Variants in FBN1 observed in about 807,000 individuals in gnomAD.
FBN1 encodes the protein fibrillin-1.
A neutral mutation model predicts 365.1 loss-of-function variants in FBN1; 29 were observed. That is an observed-to-expected ratio of 0.08 (90% confidence interval 0.06 to 0.11). The LOEUF is 0.11. Among genes scored for constraint, FBN1 ranks in the 10% least tolerant of loss-of-function variants. FBN1 has a pLI of 1.00. For synonymous variants in FBN1, 1,210 were observed against 1,270.5 expected (o/e 0.95, Z 1.01); for missense variants, 2,476 against 3,703.2 (o/e 0.67, Z 8.60).
At chr15:48,543,158 T>C (rs8041668) in intron 6 of FBN1, among the ~76,000 whole-genome samples, 95,770 of 152,074 alleles carry the variant, frequency 0.63, 32,563 homozygotes, top group South Asian at 0.77. Flanking sequence ...TTTAGGAAGG[T>C]TGATCATCCA....
In FBN1 at chr15:48,494,184, T is replaced by G. The variant is rs765993846; in HGVS notation, c.2728+20A>C. 23 of 1,591,078 alleles carry G rather than the reference T, an allele frequency of 1.4e-5. No homozygotes were observed. In the South Asian group the frequency reaches 2.5e-4, roughly 18 times the overall value. ...CATTATGCACACAAAAATGTATGGTTTATAAGTAATCAGAAATACCTTCAC... is the reference window on the plus strand; with the variant it reads ...CATTATGCACACAAAAATGTATGGTGTATAAGTAATCAGAAATACCTTCAC... On this transcript the variant is annotated intron_variant, in intron 23 of 65. Coordinates refer to ENST00000316623, the MANE Select transcript of FBN1 (RefSeq NM_000138.5).
At chr15:48,434,775 C>T (rs534900349) in intron 53 of FBN1, 62 bp from the exon 54 acceptor site, 1 of 1,592,476 alleles carries the variant, frequency 6.3e-7, no homozygotes, top group South Asian at 1.1e-5. Flanking sequence ...TTTATTCTAT[C>T]AGAGGATTTT....
intron 6 of FBN1, among the ~76,000 whole-genome samples, chr15:48,592,761 A>G (rs1448129460): frequency 6.6e-6 from 1 of 152,218 alleles, no homozygotes; most frequent in Non-Finnish European, 1.5e-5. Flanking sequence ...AATGCTCACA[A>G]GGGCTAATAC....
chr15:48,500,433 G>C (rs1055389659), intron 17 of FBN1, among the ~76,000 whole-genome samples: 3 of 152,100 alleles, frequency 2.0e-5, no homozygotes, highest in Admixed American at 2.0e-4. Context: ...TGGGAGTTTT[G>C]GAAGCAGCCC....
intron 31 of FBN1, among the ~76,000 whole-genome samples, chr15:48,482,805 C>T (rs117298094): frequency 0.015 from 2,306 of 152,298 alleles, 22 homozygotes; most frequent in Non-Finnish European, 0.023. Flanking sequence ...AGGGAACAAT[C>T]CTCAAAGTTC....
intron 2 of FBN1, among the ~76,000 whole-genome samples, chr15:48,627,061 T>C (rs1205555574): frequency 6.6e-6 from 1 of 152,346 alleles, no homozygotes; most frequent in Admixed American, 6.5e-5. Context: ...ACTTTATTAA[T>C]AACATTCCAA....
rs568364247 is a variant in FBN1 at position 48,588,489 on chromosome 15, A to G, written c.538+7794T>C. Among the ~76,000 whole-genome samples the G allele has an allele frequency of 3.9e-5, 6 of 152,302 alleles. No homozygotes were observed. The South Asian group carries it at 1.0e-3, about 26-fold the overall frequency. Reference sequence around the variant, plus strand: ...TTAGTTTTATCTTTTTAATAAGTTCATAAGAGCTAAAAAAAAATGAAGTTA... The same window carrying G: ...TTAGTTTTATCTTTTTAATAAGTTCGTAAGAGCTAAAAAAAAATGAAGTTA... On this transcript the variant is annotated intron_variant, in intron 6 of 65. Transcript: ENST00000316623.
chr15:48,640,719 C>A (rs1289907151), intron 2 of FBN1, among the ~76,000 whole-genome samples: 1 of 152,194 alleles, frequency 6.6e-6, no homozygotes, highest in East Asian at 1.9e-4. Flanking sequence ...CTATAAACCA[C>A]ACAACAAGGG....
intron 6 of FBN1, among the ~76,000 whole-genome samples, chr15:48,563,699 C>CACTCTCT (rs1259301217): frequency 6.6e-6 from 1 of 152,156 alleles, no homozygotes; most frequent in Non-Finnish European, 1.5e-5. Context: ...TGTTATTTGA[C>CACTCTCT]ACTCTCTACT....
chr15:48,470,844 T>C, intron 35 of FBN1, 88 bp from the exon 36 acceptor site: 3 of 1,442,080 alleles, frequency 2.1e-6, no homozygotes, highest in Admixed American at 3.9e-5. Context: ...CTAATGTAAA[T>C]ACTAAGAAAA....
At chr15:48,589,919 T>G (rs769265976) in intron 6 of FBN1, among the ~76,000 whole-genome samples, 1 of 152,154 alleles carries the variant, frequency 6.6e-6, no homozygotes, top group Non-Finnish European at 1.5e-5. Flanking sequence ...CCCTGCCACA[T>G]TGTTACTTTC....
intron 2 of FBN1, chr15:48,643,696 G>C (rs1030811282): frequency 7.9e-5 from 12 of 152,156 alleles, no homozygotes; most frequent in Admixed American, 5.9e-4. Flanking sequence ...TATATATACT[G>C]TCTGAATTTA....
rs1460284193 is a variant in FBN1, at chr15:48,465,606, G to T, written c.4904C>A (p.Thr1635Asn). 11 of 1,614,076 alleles carry T rather than the reference G, an allele frequency of 6.8e-6. No individual in the cohort carries two copies. The highest frequency in any genetic ancestry group is 8.5e-6 in the Non-Finnish European group (10 of 1,179,972). ...TGTATCTTCATTCAGGTAGTAGCCG[G>T]TTGGACAGCGGCACTGGAAACTCCC... ...TFGSFQCRCPTGYYLNEDTRV... is the reference protein window; with the variant it reads ...TFGSFQCRCPNGYYLNEDTRV... The change falls in exon 40 of 66, where the codon ACC becomes AAC. Residue 1635 changes from threonine to asparagine, a missense_variant. Coordinates refer to ENST00000316623, the MANE Select transcript of FBN1 (RefSeq NM_000138.5).
intron 43 of FBN1, among the ~76,000 whole-genome samples, chr15:48,459,835 C>T (rs149204305): frequency 1.3e-5 from 2 of 151,556 alleles, no homozygotes; most frequent in African/African-American, 4.8e-5. Flanking sequence ...AATTGATCCA[C>T]GAAAGGACTT....
At position 48,600,192 on chromosome 15, in the gene FBN1, C is replaced by T. The variant is rs373641930; in HGVS notation, c.389G>A (p.Ser130Asn). 6.2e-7 allele frequency: 1 copy of T among 1,613,996 alleles called. No homozygotes were observed. Reference protein sequence around the residue: ...NIRCMNGGSCSDDHCLCQKGY... With the variant: ...NIRCMNGGSCNDDHCLCQKGY... Reference sequence around the variant, plus strand: ...TTTCTGGCATAGACAGTGATCGTCACTGCAGCTACCTCCATTCATACAGCG... The same window carrying T: ...TTTCTGGCATAGACAGTGATCGTCATTGCAGCTACCTCCATTCATACAGCG... Residue 130 changes from serine (S) to asparagine (N), a missense_variant, in exon 5 of 66, where the codon AGT (serine) becomes AAT (asparagine). Coordinates refer to ENST00000316623, the MANE Select transcript of FBN1 (RefSeq NM_000138.5).
At chr15:48,585,055 T>C (rs556257807) in intron 6 of FBN1, among the ~76,000 whole-genome samples, 14 of 152,238 alleles carry the variant, frequency 9.2e-5, no homozygotes, top group African/African-American at 1.7e-4. Flanking sequence ...ATCATTTCCA[T>C]TGGGACTTCA....
chr15:48,644,619 C>T lies in FBN1; in HGVS notation c.151G>A (p.Asp51Asn), dbSNP rs2140787467. 6.2e-7 allele frequency: 1 copy of T among 1,614,188 alleles called. No individual in the cohort carries two copies. Among genetic ancestry groups the T allele is most frequent in the Non-Finnish European group, 8.5e-7 (1 of 1,180,026 alleles). Residue 51 changes from aspartate to asparagine, a missense_variant, in exon 2 of 66, where the codon GAC (aspartate) becomes AAC (asparagine). Asp to Asn is a conservative substitution (Grantham distance 23). Coordinates refer to ENST00000316623, the MANE Select transcript of FBN1 (RefSeq NM_000138.5). ...RAKRRGGGGHDALKGPNVCGS... is the reference protein window; with the variant it reads ...RAKRRGGGGHNALKGPNVCGS... ...CGGTTCCTTTACCCTTTAAGCGCGT[C>T]GTGTCCTCCACCGCCTCTTCTCTTG...
chr15:48,498,492 T>A (rs922726635), intron 18 of FBN1, among the ~76,000 whole-genome samples: 3 of 152,198 alleles, frequency 2.0e-5, no homozygotes, highest in Non-Finnish European at 4.4e-5. Context: ...GCACCAATAT[T>A]TCTCTAGCTA....
At chr15:48,455,716 AG>A (rs1954557262) in intron 44 of FBN1, among the ~76,000 whole-genome samples, 1 of 152,232 alleles carries the variant, frequency 6.6e-6, no homozygotes, top group African/African-American at 2.4e-5. Flanking sequence ...AGGCAGAGTA[AG>A]GGACATGTGC....
Sources: gnomAD v4.1 joint callset for allele counts (sites outside exome capture counted in the v4.1 genomes callset) on GRCh38, gnomAD v4.1.1 for gene constraint, MANE v1.5 for transcripts, NCBI Gene and HGNC (gene_info 2026-07-23, HGNC 2026-07-21) for gene names.